HIVEP2: variants seen among roughly 807,000 people sequenced by gnomAD.
The protein encoded by HIVEP2 is HIVEP zinc finger 2.
Under a neutral mutation model 180.7 loss-of-function variants are expected in HIVEP2, and 14 were observed. The observed-to-expected ratio is 0.08, with a 90% CI of 0.05 to 0.12. HIVEP2 has a LOEUF of 0.12. Ranked by LOEUF, HIVEP2 falls within the 10% of genes least tolerant of loss-of-function variation. The probability of loss-of-function intolerance (pLI) is 1.00; values close to 1 mark genes in which losing one functional copy is unlikely to be tolerated. For missense variants in HIVEP2, 2,579 were observed against 3,008.5 expected, an observed-to-expected ratio of 0.86 and a Z score of 3.34; for synonymous variants, 1,184 against 1,136.4, an observed-to-expected ratio of 1.04 and a Z score of -0.84.
chr6:142,913,369 A>G (rs9376716), intron 1 of HIVEP2, among the ~76,000 whole-genome samples: 10,766 of 152,296 alleles, frequency 0.071, 492 homozygotes, highest in East Asian at 0.17. Flanking sequence ...TCAATAAACC[A>G]GTTTGAGGGG....
intron 1 of HIVEP2, among the ~76,000 whole-genome samples, chr6:142,939,610 T>A (rs1778129622): frequency 6.6e-6 from 1 of 152,148 alleles, no homozygotes; most frequent in Non-Finnish European, 1.5e-5. Context: ...AAAAAAAGAA[T>A]CACCTCCTCT....
chr6:142,836,373 A>G lies in HIVEP2; in HGVS notation c.-528+562T>C, dbSNP rs567489278. On this transcript the variant is annotated intron_variant, in intron 2 of 9. Transcript: ENST00000367603. ...AGCACCAATAATTTGCTAAAAGCCT[A>G]AACTCCTCCTGGTAACTAATGTGTT... Among the ~76,000 whole-genome samples, 4 of 152,274 alleles carry G rather than the reference A, an allele frequency of 2.6e-5. No individual in the cohort carries two copies. The East Asian group carries it at 5.8e-4, about 22-fold the overall frequency.
At position 142,753,772 on chromosome 6, in the gene HIVEP2, T is replaced by G. The variant is rs1554274447; in HGVS notation, c.6676A>C (p.Ile2226Leu). Residue 2226 changes from isoleucine (I) to leucine (L), a missense_variant, in exon 10 of 10, where the codon ATC becomes CTC. This residue lies in a region of HIVEP2 where 660 missense variants were observed against 731.7 expected (regional missense o/e 0.90). Coordinates refer to ENST00000367603, the MANE Select transcript of HIVEP2 (RefSeq NM_006734.4). ...ATCCCACCAACGGGCACCATGGGGATAGGGGCTCGCACTTGTTGCTGAGAG... is the reference window on the plus strand; with the variant it reads ...ATCCCACCAACGGGCACCATGGGGAGAGGGGCTCGCACTTGTTGCTGAGAG... ...LHSQQQVRAP[I>L]PMVPVGGIQM... 11 of 1,614,072 alleles carry G rather than the reference T, an allele frequency of 6.8e-6. No individual in the cohort carries two copies. The highest frequency in any genetic ancestry group is 7.6e-6 in the Non-Finnish European group (9 of 1,179,990).
chr6:142,854,307 C>A (rs1437449901), intron 1 of HIVEP2, among the ~76,000 whole-genome samples: 2 of 152,144 alleles, frequency 1.3e-5, no homozygotes, highest in Non-Finnish European at 2.9e-5. Context: ...CTACAATGCA[C>A]AGGATAGTCG....
At chr6:142,938,205 C>T (rs960500651) in intron 1 of HIVEP2, among the ~76,000 whole-genome samples, 3 of 152,110 alleles carry the variant, frequency 2.0e-5, no homozygotes, top group African/African-American at 4.8e-5. Context: ...CTAGATCTTG[C>T]GTCCCTCCCA....
At chr6:142,844,558 T>C (rs1487461911) in intron 1 of HIVEP2, among the ~76,000 whole-genome samples, 2 of 152,226 alleles carry the variant, frequency 1.3e-5, no homozygotes, top group Non-Finnish European at 1.5e-5. Context: ...CCACAGTTAC[T>C]GTCCGAGGTA....
At chr6:142,776,634 C>T (rs197507) in intron 3 of HIVEP2, among the ~76,000 whole-genome samples, 95,337 of 151,772 alleles carry the variant, frequency 0.63, 30,311 homozygotes, top group Non-Finnish European at 0.67. Flanking sequence ...TGAGCTCAGG[C>T]GATCCTCCCA....
Position 142,770,493 on chromosome 6 carries a change from C to T in HIVEP2, c.4246G>A (p.Gly1416Ser), listed in dbSNP as rs758752052. ...IWKAPQTLPL[G>S]LESSIPLCLP... ...CACAAGGGGATGGAGGATTCTAAGC[C>T]GAGGGGCAAAGTCTGAGGTGCTTTC... The change falls in exon 5 of 10, where the codon GGC becomes AGC. Residue 1416 changes from glycine to serine, a missense_variant. Physicochemically the swap from Gly to Ser is moderately conservative, Grantham distance 56 (BLOSUM62 0). This residue lies in a region of HIVEP2 where 523 missense variants were observed against 577.0 expected (regional missense o/e 0.91). Transcript: ENST00000367603. The surrounding 1 kb of genome is among the most constrained non-coding windows in gnomAD (Gnocchi z 4.7). The T allele has an allele frequency of 1.4e-5, 22 of 1,614,038 alleles. No homozygotes were observed. The highest frequency in any genetic ancestry group is 5.3e-5 in the African/African-American group (4 of 74,918).
Position 142,773,857 on chromosome 6 carries a change from T to C in HIVEP2, c.882A>G (p.Lys294=). The C allele has an allele frequency of 6.2e-7, 1 of 1,613,636 alleles. No homozygotes were observed. The highest frequency in any genetic ancestry group is 8.5e-7 in the Non-Finnish European group (1 of 1,180,040). The change falls in exon 5 of 10, where the codon AAA becomes AAG. Residue 294 remains lysine, a synonymous_variant. Coordinates refer to ENST00000367603, the MANE Select transcript of HIVEP2 (RefSeq NM_006734.4). ...ESSLFAEASD[K]MSPGPPIPLD... ...GTGGGATGGGTGGACCAGGACTCATTTTGTCAGAAGCCTCGGCAAATAAAG... is the reference window on the plus strand; with the variant it reads ...GTGGGATGGGTGGACCAGGACTCATCTTGTCAGAAGCCTCGGCAAATAAAG...
chr6:142,860,122 A>G (rs1775936315), intron 1 of HIVEP2, among the ~76,000 whole-genome samples: 1 of 152,108 alleles, frequency 6.6e-6, no homozygotes, highest in Admixed American at 6.5e-5. Context: ...ATTTTTCTGA[A>G]CTGTAAAAAA....
chr6:142,777,938 G>C (rs11966687), intron 3 of HIVEP2, among the ~76,000 whole-genome samples: 2,826 of 152,210 alleles, frequency 0.019, 90 homozygotes, highest in African/African-American at 0.065. Context: ...CTGTGATGAT[G>C]ATGATGACAG....
At chr6:142,878,341 A>G (rs1483934524) in intron 1 of HIVEP2, among the ~76,000 whole-genome samples, 1 of 152,218 alleles carries the variant, frequency 6.6e-6, no homozygotes, top group Non-Finnish European at 1.5e-5. Flanking sequence ...CCTTCTGTAT[A>G]CATAATTTTC....
At chr6:142,844,196 C>T (rs1462820548) in intron 1 of HIVEP2, among the ~76,000 whole-genome samples, 1 of 151,966 alleles carries the variant, frequency 6.6e-6, no homozygotes, top group Non-Finnish European at 1.5e-5. Context: ...GTTTTTCCTA[C>T]CAACCCACAA....
chr6:142,904,021 G>C (rs1254936379), intron 1 of HIVEP2, among the ~76,000 whole-genome samples: 2 of 152,176 alleles, frequency 1.3e-5, no homozygotes, highest in African/African-American at 4.8e-5. Context: ...GAGGAATATG[G>C]AGGGGGCAGG....
chr6:142,792,939 C>T (rs1210595266), intron 2 of HIVEP2, among the ~76,000 whole-genome samples: 1 of 152,024 alleles, frequency 6.6e-6, no homozygotes, highest in Non-Finnish European at 1.5e-5. Flanking sequence ...CTTAATATCT[C>T]AGAAAAGTAG....
chr6:142,939,482 A>T (rs569367132), intron 1 of HIVEP2, among the ~76,000 whole-genome samples: 194 of 152,158 alleles, frequency 1.3e-3, no homozygotes, highest in African/African-American at 4.6e-3. Context: ...CAGGCTCCCA[A>T]CTCTTCCTCT....
intron 3 of HIVEP2, among the ~76,000 whole-genome samples, chr6:142,777,185 G>A (rs1341970413): frequency 1.3e-5 from 2 of 152,118 alleles, no homozygotes; most frequent in Non-Finnish European, 2.9e-5. Flanking sequence ...ATCCTTACAG[G>A]TGTACTTGCA....
chr6:142,879,667 C>A (rs796989000), intron 1 of HIVEP2, among the ~76,000 whole-genome samples: 5 of 152,188 alleles, frequency 3.3e-5, no homozygotes, highest in African/African-American at 1.2e-4. Context: ...TCTCAACCAT[C>A]CCAGGCCATC....
At chr6:142,944,431 A>ACC (rs1778258691) in intron 1 of HIVEP2, among the ~76,000 whole-genome samples, 1 of 136,748 alleles carries the variant, frequency 7.3e-6, no homozygotes, top group African/African-American at 3.0e-5. Flanking sequence ...ACACACCCAC[A>ACC]CACACACACA....
Sources: gnomAD v4.1 joint callset for allele counts (sites outside exome capture counted in the v4.1 genomes callset) on GRCh38, gnomAD v4.1.1 for gene constraint, gnomAD v4.1.1 regional missense constraint, Gnocchi (gnomAD v3.1) non-coding constraint, MANE v1.5 for transcripts, NCBI Gene and HGNC (gene_info 2026-07-23, HGNC 2026-07-21) for gene names.